Variants in HGF observed in about 807,000 individuals in gnomAD.
The protein encoded by HGF is fibroblast-derived tumor cytotoxic factor.
A neutral mutation model predicts 111.6 loss-of-function variants in HGF; 39 were observed. The observed-to-expected ratio is 0.35, with a 90% confidence interval of 0.27 to 0.46. The LOEUF is 0.46. Among genes scored for constraint, HGF ranks in the 20% least tolerant of loss-of-function variants. The probability of loss-of-function intolerance (pLI) is 1.00; values close to 1 mark genes in which losing one functional copy is unlikely to be tolerated. For missense variants in HGF, 735 were observed against 910.5 expected, an observed-to-expected ratio of 0.81 and a Z score of 2.48; for synonymous variants, 285 against 294.8, an observed-to-expected ratio of 0.97 and a Z score of 0.34.
intron 11 of HGF, among the ~76,000 whole-genome samples, chr7:81,713,613 C>T (rs367628393): frequency 6.6e-6 from 1 of 151,708 alleles, no homozygotes; most frequent in African/African-American, 2.4e-5. Flanking sequence ...GTTTTGCTTT[C>T]TCTAATCCAG....
At chr7:81,712,300 CT>C (rs555062430) in intron 11 of HGF, among the ~76,000 whole-genome samples, 46 of 152,066 alleles carry the variant, frequency 3.0e-4, no homozygotes, top group African/African-American at 1.1e-3. Context: ...TTTCTGAAAA[CT>C]TTTAGTTTTA....
At chr7:81,752,607 A>G (rs569570585) in intron 4 of HGF, among the ~76,000 whole-genome samples, 1 of 152,282 alleles carries the variant, frequency 6.6e-6, no homozygotes, top group Non-Finnish European at 1.5e-5. Context: ...CACTTAGGAC[A>G]GAACTGAGAA....
chr7:81,711,443 G>A (rs763164743), intron 12 of HGF, 38 bp downstream of exon 12: 1 of 1,216,504 alleles, frequency 8.2e-7, no homozygotes, highest in Non-Finnish European at 1.2e-6. Context: ...CACAGAGAGA[G>A]ACTCAGAATA....
rs546084353 is a variant in HGF, at chr7:81,747,770, C to T, written c.626-2650G>A. ...CCAAGGCAGGCAGATTGCCTGAGGT[C>T]AGGAGTTTGAGACCACCTTGGGTCT... is the stretch of plus-strand genomic sequence containing the variant. On this transcript the variant is annotated intron_variant, in intron 5 of 17. Coordinates refer to ENST00000222390, the MANE Select transcript of HGF (RefSeq NM_000601.6). 3.9e-5 allele frequency among the ~76,000 whole-genome samples: 6 copies of T among 152,042 alleles called. No individual in the cohort carries two copies. The South Asian group carries it at 1.2e-3, about 32-fold the overall frequency.
intron 11 of HGF, among the ~76,000 whole-genome samples, chr7:81,712,441 T>A (rs1361800433): frequency 6.6e-6 from 1 of 152,172 alleles, no homozygotes; most frequent in Non-Finnish European, 1.5e-5. Flanking sequence ...GCTTGAATAT[T>A]TCAAGGGTTG....
chr7:81,712,802 A>G (rs1583924593), intron 11 of HGF, among the ~76,000 whole-genome samples: 1 of 152,214 alleles, frequency 6.6e-6, no homozygotes, highest in Admixed American at 6.5e-5. Flanking sequence ...ATAGATGCCA[A>G]TGTGATTGTT....
chr7:81,751,574 G>C, intron 5 of HGF: 7 of 994,330 alleles, frequency 7.0e-6, no homozygotes, highest in Non-Finnish European at 8.4e-6. Context: ...ATGGTACTCA[G>C]TTCCAGCCTA....
Position 81,702,776 on chromosome 7 carries a change from A to G in HGF, c.2011-19T>C. The G allele has an allele frequency of 6.2e-7, 1 of 1,601,166 alleles. No individual in the cohort carries two copies. The highest frequency in any genetic ancestry group is 8.6e-7 in the Non-Finnish European group (1 of 1,169,124). On this transcript the variant is annotated intron_variant, in intron 17 of 17. Coordinates refer to ENST00000222390, the MANE Select transcript of HGF (RefSeq NM_000601.6). Reference sequence around the variant, plus strand: ...AATCCCCCTAGGAGTAAGACATACAAAAACAAAGTATTATTAGGAATTAAA... The same window carrying G: ...AATCCCCCTAGGAGTAAGACATACAGAAACAAAGTATTATTAGGAATTAAA...
chr7:81,748,753 C>T (rs1788375613), intron 5 of HGF, among the ~76,000 whole-genome samples: 1 of 152,130 alleles, frequency 6.6e-6, no homozygotes, highest in African/African-American at 2.4e-5. Context: ...TTCTGTTCAT[C>T]GGTTCAATAT....
At chr7:81,746,101 T>A (rs1210838141) in intron 5 of HGF, among the ~76,000 whole-genome samples, 1 of 152,244 alleles carries the variant, frequency 6.6e-6, no homozygotes, top group Non-Finnish European at 1.5e-5. Flanking sequence ...TCCAACGGAA[T>A]CTAGCCTAAT....
At chr7:81,748,272 G>A (rs1005121335) in intron 5 of HGF, among the ~76,000 whole-genome samples, 3 of 151,918 alleles carry the variant, frequency 2.0e-5, no homozygotes, top group Non-Finnish European at 4.4e-5. Flanking sequence ...CTGCTTTTTT[G>A]TTTACAACAG....
At chr7:81,725,115 C>G (rs1028824219) in intron 9 of HGF, among the ~76,000 whole-genome samples, 1 of 152,168 alleles carries the variant, frequency 6.6e-6, no homozygotes, top group Non-Finnish European at 1.5e-5. Context: ...CGAAATGCAG[C>G]CAGAGTGATC....
chr7:81,754,994 A>G (rs1788690130), intron 4 of HGF: 1 of 152,096 alleles, frequency 6.6e-6, no homozygotes, highest in South Asian at 2.1e-4. Flanking sequence ...ATTGGGTTAC[A>G]TCCAAATATA....
rs184038390 is a variant in HGF, at chr7:81,736,325, C to G, written c.866-6546G>C. Among the ~76,000 whole-genome samples, 191 of 152,142 alleles carry G rather than the reference C, an allele frequency of 1.3e-3. 1 individual carries two copies. Among genetic ancestry groups the G allele is most frequent in the Non-Finnish European group, 2.3e-3 (153 of 67,976 alleles). On this transcript the variant is annotated intron_variant, in intron 7 of 17. Coordinates refer to ENST00000222390, the MANE Select transcript of HGF (RefSeq NM_000601.6). ...CTTTGTCTAGCATTGTATATGCAAC[C>G]CGCCCATTTAGTCACTTAGTAGCCT...
intron 11 of HGF, among the ~76,000 whole-genome samples, chr7:81,713,297 C>T (rs926795124): frequency 1.3e-5 from 2 of 151,906 alleles, no homozygotes; most frequent in African/African-American, 2.4e-5. Context: ...GAGGCCGAGG[C>T]GGATGGATCA....
At chr7:81,736,145 G>A (rs1001948280) in intron 7 of HGF, among the ~76,000 whole-genome samples, 1 of 152,090 alleles carries the variant, frequency 6.6e-6, no homozygotes, top group Non-Finnish European at 1.5e-5. Flanking sequence ...CTTAAGTATA[G>A]TAGTTCCTCC....
rs2116047249 is a variant in HGF, at chr7:81,745,132, A to G, written c.626-12T>C. ...GGTCATGCATTCAACTAATAAAATT[A>G]AAGTATGGCATGTTAATTGTTTCTG... On this transcript the variant is annotated splice_polypyrimidine_tract_variant and intron_variant, in intron 5 of 17. Transcript: ENST00000222390. 1 of 1,613,486 alleles carries G rather than the reference A, an allele frequency of 6.2e-7. No individual in the cohort carries two copies. The highest frequency in any genetic ancestry group is 8.5e-7 in the Non-Finnish European group (1 of 1,179,606).
intron 11 of HGF, among the ~76,000 whole-genome samples, chr7:81,714,326 A>G (rs1789655957): frequency 6.6e-6 from 1 of 152,156 alleles, no homozygotes; most frequent in Non-Finnish European, 1.5e-5. Context: ...TGTACACAAT[A>G]GCAGCTCAAT....
rs1789304153 is a variant in HGF at position 81,702,362 on chromosome 7, C to T, written c.*219G>A. The T allele has an allele frequency of 3.9e-6, 2 of 507,882 alleles. No homozygotes were observed. Among genetic ancestry groups the T allele is most frequent in the Non-Finnish European group, 7.1e-6 (2 of 281,730 alleles). 31.5% of individuals were successfully genotyped at this position (507,882 alleles called of 1,614,324 possible). On this transcript the variant is annotated 3_prime_UTR_variant, in exon 18 of 18. Coordinates refer to ENST00000222390, the MANE Select transcript of HGF (RefSeq NM_000601.6). ...AGTATCTTCAGGAGATATGTTATTA[C>T]ACTTGCATGTACCTTAATTCACTTC...
Sources: gnomAD v4.1 joint callset for allele counts (sites outside exome capture counted in the v4.1 genomes callset) on GRCh38, gnomAD v4.1.1 for gene constraint, MANE v1.5 for transcripts, NCBI Gene and HGNC (gene_info 2026-07-23, HGNC 2026-07-21) for gene names.